Variants in IPO9 observed in about 807,000 individuals in gnomAD.
IPO9 encodes the protein importin 9.
A neutral mutation model predicts 128.6 loss-of-function variants in IPO9; 28 were observed. That is an observed-to-expected ratio of 0.22 (90% CI 0.16 to 0.30). The LOEUF (loss-of-function observed/expected upper bound fraction) is 0.30, where lower values mean the gene tolerates loss of function less well. Ranked by LOEUF, IPO9 falls within the 10% of genes least tolerant of loss-of-function variation. The pLI is 1.00. For synonymous variants in IPO9, 455 were observed against 475.8 expected (o/e 0.96, Z 0.57); for missense variants, 935 against 1,293.9 (o/e 0.72, Z 4.26).
chr1:201,872,906 AGAG>A lies in IPO9; in HGVS notation c.2659_2661del (p.Glu887del), dbSNP rs761971240. ...GGCTACAGGATATCCGTGTGAAGGG[AGAG>A]GAGATCTACAGCATGGATGAGGGCA... On this transcript the variant is annotated inframe_deletion, in exon 20 of 24. Transcript: ENST00000361565. 2.5e-6 allele frequency: 4 copies of A among 1,613,968 alleles called. No homozygotes were observed. The highest frequency in any genetic ancestry group is 2.5e-6 in the Non-Finnish European group (3 of 1,179,966).
In IPO9 at chr1:201,829,417, C is replaced by T. The variant is rs985813302; in HGVS notation, c.163+45C>T. The stretch of plus-strand genomic sequence containing the variant: ...CACGAGGATGGCTCAGCCGCACAAT[C>T]CGCTGACCGCAGCTCCGTACCGGCT... On this transcript the variant is annotated intron_variant, in intron 1 of 23. Transcript: ENST00000361565. The T allele has an allele frequency of 3.3e-6, 5 of 1,497,986 alleles. No homozygotes were observed. The African/African-American group carries it at 7.2e-5, about 22-fold the overall frequency. 92.8% of individuals were successfully genotyped at this position (1,497,986 alleles called of 1,614,324 possible). A position where few individuals can be genotyped will look rare whatever the true frequency, so the allele number is the denominator to read the frequency against.
chr1:201,871,403 T>TTTTTTTTTTG (rs1191169937), intron 19 of IPO9, 76 bp downstream of exon 19: 2 of 888,290 alleles, frequency 2.3e-6, no homozygotes, highest in African/African-American at 3.7e-5. Context: ...TTTTTTTTTT[T>TTTTTTTTTTG]TTTGAGACAG....
Position 201,871,196 on chromosome 1 carries a change from T to A in IPO9, c.2445T>A (p.Thr815=), listed in dbSNP as rs750953844. Reference sequence around the variant, plus strand: ...TGGTGTTCGCTCATCTGGTGCACACTCAGCTAGAACCTCTCTTGGAGTTCC... The same window carrying A: ...TGGTGTTCGCTCATCTGGTGCACACACAGCTAGAACCTCTCTTGGAGTTCC... ...LIMVFAHLVH[T]QLEPLLEFLC... is the part of the protein sequence containing the mutation. Residue 815 remains threonine (T), a synonymous_variant, in exon 19 of 24, where the codon ACT becomes ACA. Coordinates refer to ENST00000361565, the MANE Select transcript of IPO9 (RefSeq NM_018085.5). The A allele has an allele frequency of 1.2e-6, 2 of 1,613,984 alleles. No individual in the cohort carries two copies. The highest frequency in any genetic ancestry group is 2.2e-5 in the East Asian group (1 of 44,864).
chr1:201,841,032 T>C (rs1041421019), intron 1 of IPO9, among the ~76,000 whole-genome samples: 13 of 152,156 alleles, frequency 8.5e-5, no homozygotes, highest in African/African-American at 3.1e-4. Flanking sequence ...ATCATGGTAA[T>C]GTTTCACATA....
In IPO9 at chr1:201,870,610, G is replaced by C; in HGVS notation, c.2161G>C (p.Val721Leu). The C allele has an allele frequency of 6.2e-7, 1 of 1,614,132 alleles. No homozygotes were observed. The highest frequency in any genetic ancestry group is 8.5e-7 in the Non-Finnish European group (1 of 1,179,974). The change falls in exon 18 of 24, where the codon GTG (valine) becomes CTG (leucine). Residue 721 changes from valine to leucine, a missense_variant. This residue lies in a region of IPO9 where 741 missense variants were observed against 1,019.1 expected (regional missense o/e 0.73). Transcript: ENST00000361565. The surrounding 1 kb of genome is among the most constrained non-coding windows in gnomAD (Gnocchi z 4.9). ...QNGGECLRAY[V>L]SVTLEQVAQW... ...TGGCGGAGAGTGCTTGCGGGCCTAT[G>C]TGTCAGTGACCCTGGAACAAGTAGC...
Position 201,829,238 on chromosome 1 carries a change from C to T in IPO9, c.29C>T (p.Ala10Val), listed in dbSNP as rs750504796. 1.1e-5 allele frequency: 17 copies of T among 1,572,086 alleles called. 1 individual carries two copies. Among genetic ancestry groups the T allele is most frequent in the African/African-American group, 9.8e-5 (7 of 71,264 alleles). ...GCGGCGGCGGCGGCAGCTGGTGCGG[C>T]CTCCGGGCTGCCGGGTCCAGTGGCA... MAAAAAAGA[A>V]SGLPGPVAQG... is the part of the protein sequence containing the mutation. The change falls in exon 1 of 24, where the codon GCC (alanine) becomes GTC (valine). Residue 10 changes from alanine (A) to valine (V), a missense_variant. Around this residue, in one of 3 missense-constraint regions of IPO9, gnomAD observed 741 missense variants for 1,019.1 expected, o/e 0.73. Transcript: ENST00000361565.
chr1:201,856,638 A>C (rs1350794543), intron 10 of IPO9, among the ~76,000 whole-genome samples: 2 of 151,902 alleles, frequency 1.3e-5, no homozygotes, highest in African/African-American at 4.8e-5. Flanking sequence ...AAAAGAAAAG[A>C]TTTTTTTAAG....
intron 1 of IPO9, among the ~76,000 whole-genome samples, chr1:201,832,255 A>G (rs1342505045): frequency 1.7e-5 from 2 of 119,518 alleles, no homozygotes; most frequent in Non-Finnish European, 3.6e-5. Context: ...TCTAGGAAAC[A>G]CTTTTTTTTT....
intron 15 of IPO9, 53 bp downstream of exon 15, chr1:201,867,012 C>T: frequency 7.0e-7 from 1 of 1,422,134 alleles, no homozygotes; most frequent in Non-Finnish European, 9.9e-7. Flanking sequence ...AAGGTGGTGG[C>T]TGGTGAATTT....
chr1:201,857,441 C>T lies in IPO9; in HGVS notation c.1221+247C>T, dbSNP rs77101821. On this transcript the variant is annotated intron_variant, in intron 11 of 23. Transcript: ENST00000361565. ...TTGTGCAGACCATAGGGCCGGGGTG[C>T]GGGGGAGAATTGTATAGAGGATAAA... 4.6e-3 allele frequency among the ~76,000 whole-genome samples: 706 copies of T among 152,076 alleles called. 14 individuals carry two copies. Among genetic ancestry groups the T allele is most frequent in the East Asian group, 0.035 (182 of 5,176 alleles).
At position 201,876,057 on chromosome 1, in the gene IPO9, A is replaced by G. The variant is rs1680756625; in HGVS notation, c.*3A>G. Reference sequence around the variant, plus strand: ...TTCTACAGACCATCGGCATCTAAAAAGGGGAGCCTTTCTACATTTGCTCCT... The same window carrying G: ...TTCTACAGACCATCGGCATCTAAAAGGGGGAGCCTTTCTACATTTGCTCCT... On this transcript the variant is annotated 3_prime_UTR_variant, in exon 24 of 24. Coordinates refer to ENST00000361565, the MANE Select transcript of IPO9 (RefSeq NM_018085.5). 1 of 1,590,364 alleles carries G rather than the reference A, an allele frequency of 6.3e-7. No individual in the cohort carries two copies. The highest frequency in any genetic ancestry group is 1.7e-5 in the Admixed American group (1 of 59,988).
At chr1:201,832,218 C>G (rs995880769) in intron 1 of IPO9, among the ~76,000 whole-genome samples, 1 of 151,484 alleles carries the variant, frequency 6.6e-6, no homozygotes, top group Admixed American at 6.6e-5. Flanking sequence ...TAGTTTTACC[C>G]TGGTAGAAGG....
At chr1:201,866,175 CATAAT>C (rs1277748179) in intron 14 of IPO9, among the ~76,000 whole-genome samples, 3 of 152,100 alleles carry the variant, frequency 2.0e-5, no homozygotes, top group Non-Finnish European at 4.4e-5. Context: ...TACTGCCTGA[CATAAT>C]ATGACTTTCT....
chr1:201,867,119 G>A (rs1680568007), intron 15 of IPO9, among the ~76,000 whole-genome samples, 160 bp downstream of exon 15: 1 of 152,136 alleles, frequency 6.6e-6, no homozygotes, highest in South Asian at 2.1e-4. Context: ...AAATAGAATT[G>A]TGCTGTAAAT....
intron 1 of IPO9, among the ~76,000 whole-genome samples, chr1:201,833,015 G>A (rs1679866283): frequency 6.6e-6 from 1 of 152,148 alleles, no homozygotes; most frequent in Admixed American, 6.5e-5. Context: ...GATTGCTGGA[G>A]CCTAGAGTAG....
intron 14 of IPO9, among the ~76,000 whole-genome samples, chr1:201,865,921 A>G (rs1680547527): frequency 6.6e-6 from 1 of 152,154 alleles, no homozygotes; most frequent in Admixed American, 6.5e-5. Flanking sequence ...CTAAGGGTTT[A>G]TAGTTACTTT....
chr1:201,831,428 C>T (rs537916172), intron 1 of IPO9, among the ~76,000 whole-genome samples: 4 of 152,176 alleles, frequency 2.6e-5, no homozygotes, highest in African/African-American at 9.6e-5. Flanking sequence ...TGCAATGCTT[C>T]GGACCCTTTG....
intron 1 of IPO9, among the ~76,000 whole-genome samples, chr1:201,844,057 T>C (rs562526235): frequency 6.6e-6 from 1 of 152,204 alleles, no homozygotes; most frequent in African/African-American, 2.4e-5. Context: ...CACCCACAGA[T>C]GGATGCTAAA....
intron 1 of IPO9, among the ~76,000 whole-genome samples, chr1:201,839,785 A>G (rs188735359): frequency 1.3e-5 from 2 of 152,268 alleles, no homozygotes; most frequent in Admixed American, 1.3e-4. Flanking sequence ...CAGAGACAAT[A>G]AAAGAAAATA....
Sources: allele counts gnomAD v4.1 joint callset (sites outside exome capture counted in the v4.1 genomes callset), GRCh38; gene constraint gnomAD v4.1.1; regional missense constraint gnomAD v4.1.1; non-coding constraint Gnocchi (gnomAD v3.1); transcripts MANE v1.5; gene names NCBI Gene and HGNC (gene_info 2026-07-23, HGNC 2026-07-21).